Variants in LRP5 observed in about 807,000 individuals in gnomAD.
The protein encoded by LRP5 is LDL receptor related protein 5.
LRP5 carries 62 observed loss-of-function variants against 154.1 expected under a neutral mutation model. The observed-to-expected ratio is 0.40, with a 90% CI of 0.33 to 0.50. The LOEUF (loss-of-function observed/expected upper bound fraction) is 0.50, where lower values mean the gene tolerates loss of function less well. Among genes scored for constraint, LRP5 ranks in the 20% least tolerant of loss-of-function variants. The probability of loss-of-function intolerance (pLI) is 0.55; values close to 1 mark genes in which losing one functional copy is unlikely to be tolerated. For synonymous variants in LRP5, 966 were observed against 1,011.5 expected, an observed-to-expected ratio of 0.96 and a Z score of 0.85; for missense variants, 1,915 against 2,336.7, an observed-to-expected ratio of 0.82 and a Z score of 3.72.
At chr11:68,378,934 C>T (rs1480578548) in intron 5 of LRP5, among the ~76,000 whole-genome samples, 1 of 151,940 alleles carries the variant, frequency 6.6e-6, no homozygotes, top group Non-Finnish European at 1.5e-5. Context: ...CTAATCCCAG[C>T]TACTCCGGAG....
In LRP5 at chr11:68,442,745, G is replaced by A. The variant is rs543503412; in HGVS notation, c.4488+2829G>A. 6.6e-5 allele frequency among the ~76,000 whole-genome samples: 10 copies of A among 152,330 alleles called. No individual in the cohort carries two copies. The East Asian group carries it at 1.9e-3, about 29-fold the overall frequency. ...CTACCGTAACCCATCTCCGGGAGGA[G>A]GTGCTATTGTTTTCCTCATTTTGCA... On this transcript the variant is annotated intron_variant, in intron 21 of 22. Coordinates refer to ENST00000294304, the MANE Select transcript of LRP5 (RefSeq NM_002335.4).
At chr11:68,411,705 G>A (rs746050032) in intron 11 of LRP5, 85 bp downstream of exon 11, 1 of 1,390,266 alleles carries the variant, frequency 7.2e-7, no homozygotes, top group Non-Finnish European at 9.7e-7. Context: ...CACATACCCT[G>A]TGGCCTGCAA....
chr11:68,345,406 G>A (rs1166298941), intron 1 of LRP5, among the ~76,000 whole-genome samples: 1 of 152,166 alleles, frequency 6.6e-6, no homozygotes, highest in Non-Finnish European at 1.5e-5. Context: ...TCCTGCCTCA[G>A]ACTTGTGAGT....
At chr11:68,372,024 C>T (rs1214767052) in intron 5 of LRP5, among the ~76,000 whole-genome samples, 1 of 152,212 alleles carries the variant, frequency 6.6e-6, no homozygotes, top group African/African-American at 2.4e-5. Flanking sequence ...GGCTCTGGAG[C>T]TGGCCCTGGG....
chr11:68,354,225 G>A (rs1207972219), intron 2 of LRP5, among the ~76,000 whole-genome samples: 1 of 152,158 alleles, frequency 6.6e-6, no homozygotes, highest in African/African-American at 2.4e-5. Context: ...ATTTTCCTCC[G>A]TGGAATTTGG....
At chr11:68,300,357 G>A in the LRP5 span, among the ~76,000 whole-genome samples, 1 of 149,318 alleles carries the variant, frequency 6.7e-6, no homozygotes, top group African/African-American at 2.4e-5. Context: ...CCACTTCCTC[G>A]CTGCATGACC....
At chr11:68,318,842 C>T (rs2098595041) in intron 1 of LRP5, among the ~76,000 whole-genome samples, 1 of 152,232 alleles carries the variant, frequency 6.6e-6, no homozygotes, top group Non-Finnish European at 1.5e-5. Flanking sequence ...GAGCCCTCTC[C>T]CTGCCTCCCT....
chr11:68,359,554 T>C (rs142819873), intron 3 of LRP5, among the ~76,000 whole-genome samples: 3 of 152,314 alleles, frequency 2.0e-5, no homozygotes, highest in Non-Finnish European at 2.9e-5. Context: ...TGAAACATGC[T>C]AATGGTGGTG....
chr11:68,420,341 A>G (rs1206500422), intron 13 of LRP5, among the ~76,000 whole-genome samples: 2 of 152,140 alleles, frequency 1.3e-5, no homozygotes, highest in African/African-American at 4.8e-5. Flanking sequence ...TTCATGTGAC[A>G]TGGTGTCCTC....
intron 8 of LRP5, among the ~76,000 whole-genome samples, chr11:68,405,073 G>C (rs1247284777): frequency 6.6e-6 from 1 of 151,636 alleles, no homozygotes; most frequent in African/African-American, 2.4e-5. Context: ...GCGGAGAATT[G>C]CTTGAACCCA....
At chr11:68,411,379 C>G in intron 10 of LRP5, 57 bp from the exon 11 acceptor site, 1 of 1,582,622 alleles carries the variant, frequency 6.3e-7, no homozygotes, top group Non-Finnish European at 8.6e-7. Flanking sequence ...CCGCCACCCA[C>G]TGTCCTGCGG....
chr11:68,325,796 T>C (rs2098599308), intron 1 of LRP5, among the ~76,000 whole-genome samples: 1 of 152,214 alleles, frequency 6.6e-6, no homozygotes, highest in Non-Finnish European at 1.5e-5. Context: ...GCTTCAGAGC[T>C]CAGTTTCCCC....
chr11:68,438,041 C>G (rs2098675973), intron 19 of LRP5, among the ~76,000 whole-genome samples: 1 of 152,206 alleles, frequency 6.6e-6, no homozygotes, highest in Non-Finnish European at 1.5e-5. Context: ...ACCCAGCCGA[C>G]CCTGCCCCTC....
At chr11:68,312,456 G>A (rs1299747589), upstream of LRP5, among the ~76,000 whole-genome samples, 1 of 147,344 alleles carries the variant, frequency 6.8e-6, no homozygotes, top group Admixed American at 6.7e-5. Context: ...GCGCCGCTGG[G>A]GCCGCCTGGC....
intron 16 of LRP5, among the ~76,000 whole-genome samples, chr11:68,428,618 G>A (rs1383609877): frequency 1.3e-5 from 2 of 151,468 alleles, no homozygotes; most frequent in African/African-American, 2.4e-5. Flanking sequence ...TTATAAGGAC[G>A]TTTGTCATTG....
chr11:68,366,060 G>A (rs951508274), intron 5 of LRP5, among the ~76,000 whole-genome samples: 59 of 152,076 alleles, frequency 3.9e-4, no homozygotes, highest in African/African-American at 1.3e-3. Context: ...TCCAGGTGTC[G>A]GTTCGGGGCG....
chr11:68,365,739 G>T (rs778180303), intron 5 of LRP5, 37 bp downstream of exon 5: 1 of 275,614 alleles, frequency 3.6e-6, no homozygotes, highest in Non-Finnish European at 7.4e-6. Context: ...GGCGGGCGGG[G>T]CGGGGCCTGG....
chr11:68,404,863 G>T (rs1385613522), intron 8 of LRP5, among the ~76,000 whole-genome samples: 1 of 151,692 alleles, frequency 6.6e-6, no homozygotes. Flanking sequence ...CCAGCTACTC[G>T]GGAGGCTGAG....
intron 8 of LRP5, 169 bp downstream of exon 8, chr11:68,403,868 G>A: frequency 1.4e-6 from 1 of 720,502 alleles, no homozygotes; most frequent in Non-Finnish European, 2.3e-6. Flanking sequence ...AAGGGACCAA[G>A]GGAGCTGATT....
Sources: allele counts gnomAD v4.1 joint callset (sites outside exome capture counted in the v4.1 genomes callset), GRCh38; gene constraint gnomAD v4.1.1; transcripts MANE v1.5; gene names NCBI Gene and HGNC (gene_info 2026-07-23, HGNC 2026-07-21).